Variants in PCDHA1 observed in about 807,000 individuals in gnomAD.
The protein encoded by PCDHA1 is protocadherin alpha-1.
Under a neutral mutation model 61.3 loss-of-function variants are expected in PCDHA1, and 42 were observed. That is an observed-to-expected ratio of 0.69 (90% CI 0.54 to 0.89). The LOEUF is 0.89. Ranked by LOEUF, PCDHA1 falls within the 40% of genes least tolerant of loss-of-function variation. The probability of loss-of-function intolerance (pLI) is 0.00; values close to 1 mark genes in which losing one functional copy is unlikely to be tolerated. For missense variants in PCDHA1, 1,256 were observed against 1,235.3 expected (o/e 1.02, Z -0.25); for synonymous variants, 610 against 553.8 (o/e 1.10, Z -1.43).
intron 1 of PCDHA1, among the ~76,000 whole-genome samples, chr5:140,880,884 G>A (rs540368068): frequency 2.0e-5 from 3 of 152,304 alleles, no homozygotes; most frequent in South Asian, 4.1e-4. Flanking sequence ...ATAAAGAAAT[G>A]TAGGGCCAGA....
At chr5:140,995,577 A>G (rs892793952) in intron 3 of PCDHA1, among the ~76,000 whole-genome samples, 7 of 152,242 alleles carry the variant, frequency 4.6e-5, no homozygotes, top group Non-Finnish European at 1.0e-4. Flanking sequence ...AAGATGAGCT[A>G]TGAGCTTTTA....
intron 1 of PCDHA1, chr5:140,824,619 T>TTG (rs1768249462): frequency 7.7e-6 from 1 of 129,516 alleles, no homozygotes; most frequent in African/African-American, 3.5e-5. Flanking sequence ...AGTTTTTTTT[T>TTG]TTTTTTTTTT....
intron 1 of PCDHA1, among the ~76,000 whole-genome samples, chr5:140,972,660 A>ATTTTT (rs11350929): frequency 8.5e-5 from 10 of 117,262 alleles, no homozygotes; most frequent in Non-Finnish European, 1.6e-4. Context: ...AAGAAACCAA[A>ATTTTT]TTTTTTTTTT....
In PCDHA1 at chr5:141,006,221, T is replaced by C. The variant is rs559314025; in HGVS notation, c.2543-3406T>C. Among the ~76,000 whole-genome samples, 485 of 152,162 alleles carry C rather than the reference T, an allele frequency of 3.2e-3. 7 individuals carry two copies. The highest frequency in any genetic ancestry group is 0.01 in the Middle Eastern group (3 of 294). On this transcript the variant is annotated intron_variant, in intron 3 of 3. Transcript: ENST00000504120. Reference sequence around the variant, plus strand: ...GTTATGCCTCATTTTTTTTTAAATTTTTTATTTTTAGATGGAGTCTTGCTC... The same window carrying C: ...GTTATGCCTCATTTTTTTTTAAATTCTTTATTTTTAGATGGAGTCTTGCTC...
At chr5:140,875,049 T>C (rs2055250146) in intron 1 of PCDHA1, among the ~76,000 whole-genome samples, 1 of 152,252 alleles carries the variant, frequency 6.6e-6, no homozygotes, top group Non-Finnish European at 1.5e-5. Context: ...ATTTCTACTT[T>C]GAAGCAGAAA....
intron 1 of PCDHA1, chr5:140,828,236 G>C: frequency 1.2e-6 from 2 of 1,613,966 alleles, no homozygotes; most frequent in Non-Finnish European, 1.7e-6. Flanking sequence ...GGGCCGGATC[G>C]CGCAGGACCT....
chr5:140,999,747 C>T (rs2097874058), intron 3 of PCDHA1, among the ~76,000 whole-genome samples: 1 of 152,008 alleles, frequency 6.6e-6, no homozygotes, highest in East Asian at 1.9e-4. Flanking sequence ...AATCTGGGTT[C>T]GCAGCACATG....
At chr5:140,926,860 C>T in intron 1 of PCDHA1, 1 of 1,521,078 alleles carries the variant, frequency 6.6e-7, no homozygotes, top group Non-Finnish European at 8.8e-7. Flanking sequence ...GTTGGTGTAG[C>T]GTGTTGGTGG....
chr5:140,805,205 A>G, intron 1 of PCDHA1: 2 of 1,436,288 alleles, frequency 1.4e-6, no homozygotes, highest in Non-Finnish European at 1.8e-6. Context: ...TAGCTACCAA[A>G]TAAACATTGT....
At chr5:140,917,327 G>T (rs1219338384) in intron 1 of PCDHA1, among the ~76,000 whole-genome samples, 1 of 149,420 alleles carries the variant, frequency 6.7e-6, no homozygotes, top group Non-Finnish European at 1.5e-5. Context: ...CATGTGGCGG[G>T]GGAGGGGGGG....
chr5:140,821,779 G>C, intron 1 of PCDHA1: 2 of 1,609,366 alleles, frequency 1.2e-6, no homozygotes, highest in Non-Finnish European at 1.7e-6. Context: ...GATTGAGATG[G>C]TATATTCCCG....
Position 140,788,288 on chromosome 5 carries a change from T to A in PCDHA1, c.1998T>A (p.Leu666=). The A allele has an allele frequency of 6.2e-7, 1 of 1,613,966 alleles. No homozygotes were observed. The stretch of plus-strand genomic sequence containing the variant: ...CGCTGACAGCCACGGCCACTGTGCT[T>A]GTATCTCTGGTGGAGAGCGGCCAGG... The part of the protein sequence containing the change: ...EPALTATATV[L]VSLVESGQAP... Residue 666 remains leucine, a synonymous_variant, in exon 1 of 4, where the codon CTT becomes CTA. Transcript: ENST00000504120.
At chr5:140,884,035 C>A (rs782637499) in intron 1 of PCDHA1, 1 of 1,613,396 alleles carries the variant, frequency 6.2e-7, no homozygotes, top group South Asian at 1.1e-5. Context: ...GTGCAGGCCA[C>A]GTGGTGGCGA....
chr5:140,933,902 A>C (rs1285587221), intron 1 of PCDHA1, among the ~76,000 whole-genome samples: 2 of 151,892 alleles, frequency 1.3e-5, no homozygotes, highest in African/African-American at 2.4e-5. Flanking sequence ...ATATTTTGGC[A>C]TAAAGTTGTT....
chr5:140,952,798 G>A (rs1554220633), intron 1 of PCDHA1, among the ~76,000 whole-genome samples: 1 of 152,138 alleles, frequency 6.6e-6, no homozygotes, highest in Non-Finnish European at 1.5e-5. Flanking sequence ...TAACTGGCTC[G>A]CAGTTCTGCA....
chr5:140,976,507 C>T (rs868949957), intron 1 of PCDHA1, among the ~76,000 whole-genome samples: 2 of 151,968 alleles, frequency 1.3e-5, no homozygotes, highest in African/African-American at 4.8e-5. Context: ...GCCAAGATCG[C>T]GCCACTGCAC....
chr5:140,952,923 C>CAGGA (rs1455819119), intron 1 of PCDHA1, among the ~76,000 whole-genome samples: 1 of 151,990 alleles, frequency 6.6e-6, no homozygotes, highest in Non-Finnish European at 1.5e-5. Flanking sequence ...ATGGCATGAG[C>CAGGA]AGGAGCAGGA....
chr5:140,950,536 T>A (rs182006309), intron 1 of PCDHA1, among the ~76,000 whole-genome samples: 1 of 152,222 alleles, frequency 6.6e-6, no homozygotes, highest in East Asian at 1.9e-4. Flanking sequence ...TTTTTGTTGC[T>A]CTTGCATGGC....
chr5:140,842,564 C>A (rs781893579), intron 1 of PCDHA1: 1 of 1,500,320 alleles, frequency 6.7e-7, no homozygotes, highest in South Asian at 1.2e-5. Flanking sequence ...CGCCCTGGAC[C>A]GCGAGAGAGT....
Sources: gnomAD v4.1 joint callset for allele counts (sites outside exome capture counted in the v4.1 genomes callset) on GRCh38, gnomAD v4.1.1 for gene constraint, MANE v1.5 for transcripts, NCBI Gene and HGNC (gene_info 2026-07-23, HGNC 2026-07-21) for gene names.